Variants in WIF1 observed in about 807,000 individuals in gnomAD.
WIF1 encodes Wnt inhibitory factor 1.
WIF1 carries 35 observed loss-of-function variants against 53.5 expected under a neutral mutation model. The observed-to-expected ratio is 0.65, with a 90% CI of 0.50 to 0.87. The LOEUF (loss-of-function observed/expected upper bound fraction) is 0.87, where lower values mean the gene tolerates loss of function less well. WIF1 is among the 40% of genes least tolerant of loss of function. The pLI is 0.00. For missense variants in WIF1, 467 were observed against 476.8 expected (o/e 0.98, Z 0.19); for synonymous variants, 171 against 170.4 (o/e 1.00, Z -0.03).
At chr12:65,120,268 A>T in intron 2 of WIF1, 149 bp downstream of exon 2, 1 of 845,250 alleles carries the variant, frequency 1.2e-6, no homozygotes, top group Non-Finnish European at 1.7e-6. Flanking sequence ...CTTGAAATAA[A>T]TGGAAATTAA....
intron 3 of WIF1, among the ~76,000 whole-genome samples, chr12:65,077,197 G>T (rs1396882474): frequency 6.6e-6 from 1 of 152,198 alleles, no homozygotes; most frequent in African/African-American, 2.4e-5. Context: ...GAGTGAGTCT[G>T]TTGTAAGCTG....
At chr12:65,101,569 C>G (rs1883282707) in intron 2 of WIF1, among the ~76,000 whole-genome samples, 1 of 152,122 alleles carries the variant, frequency 6.6e-6, no homozygotes, top group South Asian at 2.1e-4. Context: ...TAATTCTGCT[C>G]AAAATTTGCT....
intron 7 of WIF1, among the ~76,000 whole-genome samples, chr12:65,056,818 T>G (rs1882536826): frequency 6.6e-6 from 1 of 151,778 alleles, no homozygotes; most frequent in Non-Finnish European, 1.5e-5. Context: ...CCCAGCTAAT[T>G]TTTGTATTTT....
At chr12:65,057,396 G>A (rs1438404852) in intron 7 of WIF1, among the ~76,000 whole-genome samples, 2 of 152,264 alleles carry the variant, frequency 1.3e-5, no homozygotes, top group Non-Finnish European at 2.9e-5. Flanking sequence ...TAAGGCCCTA[G>A]GTGTAAAAAT....
At chr12:65,072,490 T>G (rs1489022035) in intron 3 of WIF1, among the ~76,000 whole-genome samples, 3 of 152,206 alleles carry the variant, frequency 2.0e-5, no homozygotes, top group African/African-American at 7.2e-5. Flanking sequence ...ATCTTGTTTT[T>G]GTAATCTCAG....
intron 2 of WIF1, among the ~76,000 whole-genome samples, chr12:65,092,782 C>T (rs1009157706): frequency 1.3e-5 from 2 of 151,912 alleles, no homozygotes; most frequent in Non-Finnish European, 2.9e-5. Context: ...GGAAGCAATG[C>T]CTTAACCCAA....
At chr12:65,053,086 T>C (rs1882465158) in intron 9 of WIF1, among the ~76,000 whole-genome samples, 1 of 152,188 alleles carries the variant, frequency 6.6e-6, no homozygotes, top group African/African-American at 2.4e-5. Flanking sequence ...GGTTTACTCT[T>C]TTCCAAAATG....
chr12:65,119,444 T>C (rs1014546866), intron 2 of WIF1, among the ~76,000 whole-genome samples: 1 of 152,200 alleles, frequency 6.6e-6, no homozygotes, highest in African/African-American at 2.4e-5. Flanking sequence ...AAAGGTCATG[T>C]CTATACCACA....
At chr12:65,098,558 A>G (rs1039560789) in intron 2 of WIF1, among the ~76,000 whole-genome samples, 25 of 152,140 alleles carry the variant, frequency 1.6e-4, no homozygotes, top group African/African-American at 5.3e-4. Flanking sequence ...TGTCCTGGGC[A>G]TTGTGCTGGG....
chr12:65,105,818 T>C (rs1342533747), intron 2 of WIF1, among the ~76,000 whole-genome samples: 1 of 152,094 alleles, frequency 6.6e-6, no homozygotes, highest in African/African-American at 2.4e-5. Context: ...CAATTAAACT[T>C]CAAGATGAGT....
intron 1 of WIF1, 26 bp downstream of exon 1, chr12:65,121,018 G>A: frequency 7.0e-7 from 1 of 1,436,928 alleles, no homozygotes; most frequent in Non-Finnish European, 9.2e-7. Flanking sequence ...ATAGGCAGGG[G>A]AAGGCGCTGG....
intron 3 of WIF1, among the ~76,000 whole-genome samples, chr12:65,075,156 C>G (rs1882842677): frequency 6.6e-6 from 1 of 152,180 alleles, no homozygotes; most frequent in African/African-American, 2.4e-5. Context: ...AGAAACTGAA[C>G]TTATACTTCT....
chr12:65,070,535 CTCT>C (rs1470817344), intron 3 of WIF1, among the ~76,000 whole-genome samples: 10 of 152,112 alleles, frequency 6.6e-5, no homozygotes, highest in Admixed American at 6.6e-5. Context: ...TAAAACTTTA[CTCT>C]TCTTATGACT....
At chr12:65,092,434 G>A (rs370162139) in intron 2 of WIF1, among the ~76,000 whole-genome samples, 3 of 131,420 alleles carry the variant, frequency 2.3e-5, no homozygotes, top group Non-Finnish European at 3.4e-5. Context: ...ATATATATAT[G>A]TGTATATATA....
intron 7 of WIF1, among the ~76,000 whole-genome samples, chr12:65,057,460 A>G (rs1455937412): frequency 1.3e-5 from 2 of 152,180 alleles, no homozygotes; most frequent in Non-Finnish European, 2.9e-5. Flanking sequence ...ATCCCTCTGC[A>G]ATCTAGAATT....
chr12:65,106,192 GAGGGGAC>G (rs1883348961), intron 2 of WIF1, among the ~76,000 whole-genome samples: 1 of 152,074 alleles, frequency 6.6e-6, no homozygotes, highest in Non-Finnish European at 1.5e-5. Context: ...ATGAGCAGTA[GAGGGGAC>G]AGGTTGGCAC....
Position 65,050,995 on chromosome 12 carries a change from G to A in WIF1, c.*354C>T, listed in dbSNP as rs1057128459. On this transcript the variant is annotated 3_prime_UTR_variant, in exon 10 of 10. Transcript: ENST00000286574. The stretch of plus-strand genomic sequence containing the variant: ...CACCATCCAAATTCTTGTGACTTAC[G>A]CATTTTTGCCCAATTTAACCTTTCT... 2.1e-5 allele frequency: 5 copies of A among 239,570 alleles called. No homozygotes were observed. The highest frequency in any genetic ancestry group is 6.0e-5 in the East Asian group (1 of 16,610). The allele number at this position is 239,570 out of a possible 1,614,324, so 14.8% of individuals were successfully genotyped here. A position where few individuals can be genotyped will look rare whatever the true frequency, so the allele number is the denominator to read the frequency against.
chr12:65,113,245 C>G (rs1883459957), intron 2 of WIF1, among the ~76,000 whole-genome samples: 1 of 152,154 alleles, frequency 6.6e-6, no homozygotes, highest in Admixed American at 6.5e-5. Context: ...TTCCAGAGGT[C>G]CGGCAACAGG....
At chr12:65,069,410 A>C (rs1882738496) in intron 3 of WIF1, among the ~76,000 whole-genome samples, 1 of 152,174 alleles carries the variant, frequency 6.6e-6, no homozygotes, top group Admixed American at 6.5e-5. Flanking sequence ...GCAATACCCC[A>C]CTGGTTTATG....
Sources: gnomAD v4.1 joint callset for allele counts (sites outside exome capture counted in the v4.1 genomes callset) on GRCh38, gnomAD v4.1.1 for gene constraint, MANE v1.5 for transcripts, NCBI Gene and HGNC (gene_info 2026-07-23, HGNC 2026-07-21) for gene names.